Variants in PCDH9 observed in about 807,000 individuals in gnomAD.
The protein encoded by PCDH9 is protocadherin 9.
A neutral mutation model predicts 70.6 loss-of-function variants in PCDH9; 24 were observed. The ratio of observed to expected loss-of-function variants is 0.34; its 90% CI spans 0.25 to 0.48. PCDH9 has a LOEUF of 0.48. Among genes scored for constraint, PCDH9 ranks in the 20% least tolerant of loss-of-function variants. The pLI, the probability that PCDH9 is intolerant of heterozygous loss-of-function variation, is 0.99. For missense variants in PCDH9, 1,281 were observed against 1,503.6 expected (o/e 0.85, Z 2.45); for synonymous variants, 562 against 558.5 (o/e 1.01, Z -0.09).
At chr13:66,386,094 A>T (rs1427141418) in intron 4 of PCDH9, among the ~76,000 whole-genome samples, 1 of 152,118 alleles carries the variant, frequency 6.6e-6, no homozygotes, top group Non-Finnish European at 1.5e-5. Flanking sequence ...TCTTATAAAT[A>T]CACAAATATT....
intron 2 of PCDH9, among the ~76,000 whole-genome samples, chr13:67,072,271 C>T (rs2085781821): frequency 6.6e-6 from 1 of 152,122 alleles, no homozygotes; most frequent in African/African-American, 2.4e-5. Context: ...TTCTACTTCC[C>T]CTGAAAGTAG....
chr13:66,405,814 C>T (rs1455776982), intron 4 of PCDH9, among the ~76,000 whole-genome samples: 1 of 152,148 alleles, frequency 6.6e-6, no homozygotes, highest in Non-Finnish European at 1.5e-5. Flanking sequence ...GTCTTGGCCT[C>T]TCCAGGATGG....
At chr13:66,879,344 T>C (rs181089500) in intron 3 of PCDH9, among the ~76,000 whole-genome samples, 44 of 152,308 alleles carry the variant, frequency 2.9e-4, no homozygotes, top group African/African-American at 9.9e-4. Flanking sequence ...CATAATTGCT[T>C]TGGCAACAGT....
At chr13:67,098,374 A>G (rs9529184) in intron 2 of PCDH9, among the ~76,000 whole-genome samples, 7,185 of 152,280 alleles carry the variant, frequency 0.047, 229 homozygotes, top group Non-Finnish European at 0.079. Context: ...TTAAAAATGA[A>G]TATATGCTTT....
chr13:66,398,796 T>A (rs572992556), intron 4 of PCDH9, among the ~76,000 whole-genome samples: 1 of 152,288 alleles, frequency 6.6e-6, no homozygotes, highest in South Asian at 2.1e-4. Flanking sequence ...ACAAAATTTA[T>A]AAGAAAACAA....
At chr13:66,836,108 CA>C (rs1263630825) in intron 3 of PCDH9, among the ~76,000 whole-genome samples, 1 of 152,026 alleles carries the variant, frequency 6.6e-6, no homozygotes. Flanking sequence ...ATGAGAAAAA[CA>C]TTTAGTCACA....
chr13:66,372,174 G>A (rs562598941), intron 4 of PCDH9, among the ~76,000 whole-genome samples: 1 of 151,982 alleles, frequency 6.6e-6, no homozygotes, highest in African/African-American at 2.4e-5. Flanking sequence ...CCCTCAAGTT[G>A]TAGTTTGGAA....
chr13:66,776,416 G>A (rs1373351243), intron 3 of PCDH9, among the ~76,000 whole-genome samples: 6 of 150,858 alleles, frequency 4.0e-5, no homozygotes, highest in East Asian at 2.0e-4. Context: ...AAGCTGATAA[G>A]CAACTTCAGC....
intron 4 of PCDH9, among the ~76,000 whole-genome samples, chr13:66,514,432 C>T (rs932358870): frequency 6.9e-6 from 1 of 144,210 alleles, no homozygotes; most frequent in African/African-American, 2.6e-5. Context: ...GGCAGTGTGT[C>T]TAAAGAACAA....
intron 4 of PCDH9, among the ~76,000 whole-genome samples, chr13:66,610,241 GA>G (rs1356504744): frequency 2.0e-5 from 3 of 151,728 alleles, no homozygotes; most frequent in Non-Finnish European, 4.4e-5. Flanking sequence ...GGGTAAGGGG[GA>G]AAAAAGAGAG....
At chr13:66,995,860 T>C (rs776163530) in intron 2 of PCDH9, among the ~76,000 whole-genome samples, 1 of 152,174 alleles carries the variant, frequency 6.6e-6, no homozygotes, top group Non-Finnish European at 1.5e-5. Flanking sequence ...AGAACCTAAA[T>C]GAAGAAAACA....
intron 2 of PCDH9, among the ~76,000 whole-genome samples, chr13:67,026,258 T>A (rs375998724): frequency 6.6e-6 from 1 of 152,296 alleles, no homozygotes; most frequent in East Asian, 1.9e-4. Context: ...AGTATTTTAT[T>A]CAGGATTTTT....
At chr13:67,091,967 G>A (rs984416882) in intron 2 of PCDH9, among the ~76,000 whole-genome samples, 1 of 152,020 alleles carries the variant, frequency 6.6e-6, no homozygotes, top group African/African-American at 2.4e-5. Context: ...CAGGTGTGTA[G>A]GTTTTAAGAT....
At position 66,585,807 on chromosome 13, in the gene PCDH9, G is replaced by A. The variant is rs556817194; in HGVS notation, c.3340+45403C>T. 2.9e-3 allele frequency among the ~76,000 whole-genome samples: 434 copies of A among 152,194 alleles called. 4 individuals carry two copies. Among genetic ancestry groups the A allele is most frequent in the Non-Finnish European group, 4.6e-3 (312 of 68,022 alleles). ...CAATTACATTGGACTGTATTGCGGT[G>A]TGCAGAGGTGAACAAATGATCTTAG... On this transcript the variant is annotated intron_variant, in intron 4 of 4. Transcript: ENST00000377865.
At chr13:67,069,109 C>T (rs1160591212) in intron 2 of PCDH9, among the ~76,000 whole-genome samples, 1 of 152,142 alleles carries the variant, frequency 6.6e-6, no homozygotes, top group Admixed American at 6.6e-5. Flanking sequence ...CTACTTGCCT[C>T]ACATTTAATT....
At chr13:66,532,035 G>A (rs1960480390) in intron 4 of PCDH9, among the ~76,000 whole-genome samples, 1 of 152,070 alleles carries the variant, frequency 6.6e-6, no homozygotes, top group East Asian at 1.9e-4. Flanking sequence ...TGCCCAGGCT[G>A]GAATGCAATG....
At chr13:66,449,329 G>A (rs562794363) in intron 4 of PCDH9, among the ~76,000 whole-genome samples, 1 of 152,110 alleles carries the variant, frequency 6.6e-6, no homozygotes, top group Non-Finnish European at 1.5e-5. Context: ...ACTTCAAAGT[G>A]ATTACTTAGT....
intron 2 of PCDH9, among the ~76,000 whole-genome samples, chr13:67,136,188 G>T (rs1421137151): frequency 1.3e-5 from 2 of 151,976 alleles, no homozygotes; most frequent in African/African-American, 4.8e-5. Context: ...CGTTATAATC[G>T]CCCATAGAAT....
At chr13:67,061,917 G>A (rs770307015) in intron 2 of PCDH9, among the ~76,000 whole-genome samples, 5 of 152,168 alleles carry the variant, frequency 3.3e-5, no homozygotes, top group Non-Finnish European at 7.4e-5. Context: ...CTGCCAAGGA[G>A]TGCCTGAAAA....
Sources: allele counts gnomAD v4.1 joint callset (sites outside exome capture counted in the v4.1 genomes callset), GRCh38; gene constraint gnomAD v4.1.1; transcripts MANE v1.5; gene names NCBI Gene and HGNC (gene_info 2026-07-23, HGNC 2026-07-21).